The following PDE4D variants were observed in gnomAD, a reference collection of about 807,000 sequenced individuals.
The protein encoded by PDE4D is phosphodiesterase 4D.
A neutral mutation model predicts 87.4 loss-of-function variants in PDE4D; 24 were observed. That is an observed-to-expected ratio of 0.27 (90% confidence interval 0.20 to 0.39). The LOEUF is 0.39. PDE4D is among the 10% of genes least tolerant of loss of function. PDE4D has a pLI of 1.00. For synonymous variants in PDE4D, 384 were observed against 383.2 expected (o/e 1.00, Z -0.02); for missense variants, 714 against 1,041.0 (o/e 0.69, Z 4.32).
chr5:59,800,761 G>A (rs1479703839), intron 1 of PDE4D, among the ~76,000 whole-genome samples: 1 of 152,174 alleles, frequency 6.6e-6, no homozygotes, highest in Non-Finnish European at 1.5e-5. Flanking sequence ...GGCTGTTTGA[G>A]CCTAGGTTAG....
chr5:59,142,753 T>C (rs867260579), intron 5 of PDE4D, among the ~76,000 whole-genome samples: 2 of 152,134 alleles, frequency 1.3e-5, no homozygotes, highest in South Asian at 4.2e-4. Context: ...CCATCTCTAC[T>C]AAAAATACAA....
At chr5:59,900,378 T>C (rs1396840124) in intron 3 of PDE4D, among the ~76,000 whole-genome samples, 1 of 152,096 alleles carries the variant, frequency 6.6e-6, no homozygotes, top group Non-Finnish European at 1.5e-5. Flanking sequence ...ATTTTGTATA[T>C]AGGAAGAAAA....
At chr5:59,893,843 G>T (rs918536498), upstream of PDE4D, 14 of 1,316,640 alleles carry the variant, frequency 1.1e-5, no homozygotes, top group South Asian at 3.0e-4. Flanking sequence ...TCCTTCCACC[G>T]AGGCTATGGC....
At chr5:59,283,211 A>G (rs890136175) in intron 1 of PDE4D, among the ~76,000 whole-genome samples, 2 of 152,194 alleles carry the variant, frequency 1.3e-5, no homozygotes, top group Non-Finnish European at 2.9e-5. Context: ...TAAAAGAGTA[A>G]TCAATAAGCT....
chr5:60,192,234 A>T (rs1409100684), intron 1 of PDE4D, among the ~76,000 whole-genome samples: 1 of 152,158 alleles, frequency 6.6e-6, no homozygotes, highest in Non-Finnish European at 1.5e-5. Context: ...ATGAAAATTA[A>T]AATCTCAAGA....
At chr5:60,171,186 G>A (rs919955662) in intron 2 of PDE4D, among the ~76,000 whole-genome samples, 1 of 151,986 alleles carries the variant, frequency 6.6e-6, no homozygotes, top group Non-Finnish European at 1.5e-5. Context: ...TACACAAATC[G>A]AACTTTGTGG....
chr5:59,667,263 T>A (rs576131369), intron 1 of PDE4D, among the ~76,000 whole-genome samples: 1 of 152,254 alleles, frequency 6.6e-6, no homozygotes, highest in East Asian at 1.9e-4. Flanking sequence ...GAAGGCATTA[T>A]TTTTATTGTG....
chr5:59,113,918 A>C (rs967374580), intron 5 of PDE4D, among the ~76,000 whole-genome samples: 1 of 152,226 alleles, frequency 6.6e-6, no homozygotes, highest in African/African-American at 2.4e-5. Context: ...TGAGATATTG[A>C]GTGTAACTAG....
intron 1 of PDE4D, among the ~76,000 whole-genome samples, chr5:59,465,555 TC>T (rs1249967877): frequency 1.3e-5 from 2 of 152,222 alleles, no homozygotes; most frequent in African/African-American, 2.4e-5. Context: ...ACTTTTAATG[TC>T]AATTTCTCCA....
chr5:59,739,081 T>C (rs540988558), intron 1 of PDE4D, among the ~76,000 whole-genome samples: 38 of 152,148 alleles, frequency 2.5e-4, no homozygotes, highest in African/African-American at 8.7e-4. Flanking sequence ...TGTAATAAAT[T>C]AGATGGCAAG....
chr5:59,483,383 C>A (rs943252623), intron 1 of PDE4D, among the ~76,000 whole-genome samples: 4 of 152,132 alleles, frequency 2.6e-5, no homozygotes, highest in African/African-American at 9.7e-5. Flanking sequence ...ATGTATCTCA[C>A]ATATAAACTT....
At chr5:59,021,940 C>T (rs1000520346) in intron 6 of PDE4D, among the ~76,000 whole-genome samples, 1 of 152,192 alleles carries the variant, frequency 6.6e-6, no homozygotes, top group Non-Finnish European at 1.5e-5. Context: ...CACCTTTCCT[C>T]ACTCCCAGGC....
chr5:59,428,473 A>G (rs1347929930), intron 1 of PDE4D, among the ~76,000 whole-genome samples: 2 of 152,054 alleles, frequency 1.3e-5, no homozygotes, highest in Non-Finnish European at 2.9e-5. Context: ...TCTTTCTGCC[A>G]AAAACCACAA....
chr5:59,960,137 C>T (rs1378556341), intron 3 of PDE4D, among the ~76,000 whole-genome samples: 7 of 151,976 alleles, frequency 4.6e-5, no homozygotes, highest in African/African-American at 1.7e-4. Context: ...AAATCAAAAC[C>T]ACAAGGAGAT....
At position 60,318,672 on chromosome 5, in the gene PDE4D, C is replaced by T. The variant is rs1755885519; in HGVS notation, c.-89-132985G>A. Among the ~76,000 whole-genome samples, 3 of 152,218 alleles carry T rather than the reference C, an allele frequency of 2.0e-5. No homozygotes were observed. The South Asian group carries it at 6.2e-4, about 32-fold the overall frequency. On this transcript the variant is annotated intron_variant, in intron 1 of 16. Coordinates refer to the PDE4D transcript ENST00000502484. ...GCTTCCTTCAGGAGCTCTTTTAGGG[C>T]AGCCCTGGTGGTGACAAAATCTCTC...
intron 1 of PDE4D, among the ~76,000 whole-genome samples, chr5:60,301,366 G>A (rs557572682): frequency 1.2e-4 from 19 of 152,176 alleles, no homozygotes; most frequent in African/African-American, 4.1e-4. Context: ...TGTTCCATTC[G>A]TGTTATGTCT....
At chr5:59,233,539 T>C (rs1017445158) in intron 1 of PDE4D, among the ~76,000 whole-genome samples, 1 of 152,136 alleles carries the variant, frequency 6.6e-6, no homozygotes, top group African/African-American at 2.4e-5. Flanking sequence ...GGCAATGTCG[T>C]AGGTTGAATC....
At chr5:59,423,815 C>CTTT (rs34296140) in intron 1 of PDE4D, among the ~76,000 whole-genome samples, 4 of 142,436 alleles carry the variant, frequency 2.8e-5, no homozygotes, top group Non-Finnish European at 4.6e-5. Context: ...GGAATGTAAC[C>CTTT]TTTTTTTTTT....
At chr5:59,769,205 CCT>C (rs1763198490) in intron 1 of PDE4D, among the ~76,000 whole-genome samples, 2 of 152,012 alleles carry the variant, frequency 1.3e-5, no homozygotes, top group South Asian at 4.1e-4. Context: ...ACTTTTTCTC[CCT>C]CTGTCTCTAG....
Sources: allele counts gnomAD v4.1 joint callset (sites outside exome capture counted in the v4.1 genomes callset), GRCh38; gene constraint gnomAD v4.1.1; transcripts MANE v1.5; gene names NCBI Gene and HGNC (gene_info 2026-07-23, HGNC 2026-07-21).